The following TSHZ2 variants were observed in gnomAD, a reference collection of about 807,000 sequenced individuals.
TSHZ2 encodes teashirt homolog 2.
Under a neutral mutation model 74.4 loss-of-function variants are expected in TSHZ2, and 21 were observed. The ratio of observed to expected loss-of-function variants is 0.28; its 90% confidence interval spans 0.20 to 0.41. TSHZ2 has a LOEUF of 0.41. TSHZ2 is among the 10% of genes least tolerant of loss of function. The pLI is 1.00. For synonymous variants in TSHZ2, 540 were observed against 515.3 expected, an observed-to-expected ratio of 1.05 and a Z score of -0.65; for missense variants, 1,244 against 1,293.5, an observed-to-expected ratio of 0.96 and a Z score of 0.59.
At chr20:53,207,531 A>G (rs2123599626) in intron 1 of TSHZ2, among the ~76,000 whole-genome samples, 1 of 152,226 alleles carries the variant, frequency 6.6e-6, no homozygotes, top group South Asian at 2.1e-4. Context: ...ACTTGTAGGG[A>G]CATGGCTGCA....
rs532227402 is a variant in TSHZ2 at position 53,129,966 on chromosome 20, C to G, written c.41-123533C>G. On this transcript the variant is annotated intron_variant, in intron 1 of 2. Coordinates refer to ENST00000371497, the MANE Select transcript of TSHZ2 (RefSeq NM_173485.6). Reference sequence around the variant, plus strand: ...CCTGCTTTTATACTCGTTTTCCTCTCGGAATGGTAGCCGGCAAAAGGTGTT... The same window carrying G: ...CCTGCTTTTATACTCGTTTTCCTCTGGGAATGGTAGCCGGCAAAAGGTGTT... Among the ~76,000 whole-genome samples the G allele has an allele frequency of 3.8e-4, 58 of 151,810 alleles. 1 individual carries two copies. The highest frequency in any genetic ancestry group is 3.4e-3 in the Admixed American group (52 of 15,220).
chr20:53,136,131 C>T lies in TSHZ2; in HGVS notation c.41-117368C>T, dbSNP rs550768184. On this transcript the variant is annotated intron_variant, in intron 1 of 2. Transcript: ENST00000371497. ...CAAGGTAGCATAGGGCATCACACTG[C>T]GAGAATGCTGAGTGTGTTAAGGTGC... 9.2e-5 allele frequency among the ~76,000 whole-genome samples: 14 copies of T among 152,260 alleles called. No individual in the cohort carries two copies. In the East Asian group the frequency reaches 1.5e-3, roughly 17 times the overall value.
At chr20:53,153,388 C>T (rs1987720737) in intron 1 of TSHZ2, among the ~76,000 whole-genome samples, 1 of 152,136 alleles carries the variant, frequency 6.6e-6, no homozygotes, top group Non-Finnish European at 1.5e-5. Flanking sequence ...CTGTCCCTCT[C>T]CTGCTTGGTC....
intron 1 of TSHZ2, among the ~76,000 whole-genome samples, chr20:53,125,291 C>T (rs1356245778): frequency 1.3e-5 from 2 of 152,170 alleles, no homozygotes; most frequent in African/African-American, 4.8e-5. Flanking sequence ...AACAGCAAGT[C>T]CTCCCTGGGC....
intron 1 of TSHZ2, among the ~76,000 whole-genome samples, chr20:53,010,571 A>G (rs1429864920): frequency 3.3e-5 from 5 of 152,142 alleles, no homozygotes; most frequent in Admixed American, 3.3e-4. Flanking sequence ...TTGGCCAACT[A>G]GATTGGAAAC....
chr20:53,176,910 C>T (rs1241964238), intron 1 of TSHZ2, among the ~76,000 whole-genome samples: 1 of 152,140 alleles, frequency 6.6e-6, no homozygotes. Flanking sequence ...AGGTCTCGAA[C>T]TCTTGACCTT....
intron 2 of TSHZ2, among the ~76,000 whole-genome samples, chr20:53,468,645 T>C (rs1174272479): frequency 1.7e-5 from 2 of 115,722 alleles, no homozygotes; most frequent in Non-Finnish European, 1.6e-5. Flanking sequence ...GTTGATTATA[T>C]AAGGTAGAGG....
intron 2 of TSHZ2, among the ~76,000 whole-genome samples, chr20:53,474,080 T>C (rs1985915905): frequency 6.7e-6 from 1 of 150,298 alleles, no homozygotes; most frequent in African/African-American, 2.5e-5. Flanking sequence ...TGGAAAACAC[T>C]CTGCAGGATA....
At chr20:53,066,378 C>G (rs560613392) in intron 1 of TSHZ2, among the ~76,000 whole-genome samples, 2 of 152,120 alleles carry the variant, frequency 1.3e-5, no homozygotes, top group South Asian at 4.1e-4. Context: ...CCCCACCCCC[C>G]ACAATTTTCA....
At position 53,212,758 on chromosome 20, in the gene TSHZ2, CA is replaced by C. The variant is rs35020195; in HGVS notation, c.41-40740del. Reference sequence around the variant, plus strand: ...CTCTCCGCATGGAGGTGTGGTCCCCCAGATTGAGAACCAGCAGGAAAGGAAG... The same window carrying C: ...CTCTCCGCATGGAGGTGTGGTCCCCCGATTGAGAACCAGCAGGAAAGGAAG... On this transcript the variant is annotated intron_variant, in intron 1 of 2. Transcript: ENST00000371497. Among the ~76,000 whole-genome samples the C allele has an allele frequency of 1.7e-3, 257 of 152,282 alleles. 4 individuals are homozygous for C. The highest frequency in any genetic ancestry group is 6.0e-3 in the African/African-American group (250 of 41,552).
intron 1 of TSHZ2, among the ~76,000 whole-genome samples, chr20:53,099,065 C>T (rs1194229175): frequency 6.6e-6 from 1 of 152,260 alleles, no homozygotes; most frequent in South Asian, 2.1e-4. Flanking sequence ...TAATTCTAGT[C>T]TCCATAGTGA....
intron 1 of TSHZ2, among the ~76,000 whole-genome samples, chr20:53,087,750 G>T (rs1387187567): frequency 1.3e-5 from 2 of 152,208 alleles, no homozygotes; most frequent in African/African-American, 4.8e-5. Context: ...TCGGCCATTG[G>T]CAGGGACTTA....
At chr20:53,427,929 G>A (rs1292924377) in intron 2 of TSHZ2, among the ~76,000 whole-genome samples, 1 of 152,194 alleles carries the variant, frequency 6.6e-6, no homozygotes, top group Non-Finnish European at 1.5e-5. Flanking sequence ...CTAACATGGA[G>A]GGGGACATGG....
chr20:53,172,118 A>G (rs2123487179), intron 1 of TSHZ2, among the ~76,000 whole-genome samples: 1 of 152,356 alleles, frequency 6.6e-6, no homozygotes, highest in African/African-American at 2.4e-5. Flanking sequence ...CAAGAGGGTC[A>G]TTTTAGATAT....
intron 2 of TSHZ2, among the ~76,000 whole-genome samples, chr20:53,263,894 G>C (rs1990655542): frequency 6.6e-6 from 1 of 152,208 alleles, no homozygotes; most frequent in South Asian, 2.1e-4. Flanking sequence ...AGGGGGGCAG[G>C]CTGGGCTCCC....
chr20:53,312,650 G>C (rs575369970), intron 2 of TSHZ2, among the ~76,000 whole-genome samples: 15 of 152,310 alleles, frequency 9.8e-5, no homozygotes, highest in African/African-American at 3.4e-4. Flanking sequence ...GCTTACAGCT[G>C]GATTCAGCCA....
chr20:53,243,052 G>A (rs1568830665), intron 1 of TSHZ2, among the ~76,000 whole-genome samples: 1 of 152,142 alleles, frequency 6.6e-6, no homozygotes, highest in Non-Finnish European at 1.5e-5. Context: ...TTGGTTGTTG[G>A]TAATTTCGGA....
chr20:53,253,907 G>A lies in TSHZ2; in HGVS notation c.449G>A (p.Ser150Asn). 6.2e-6 allele frequency: 10 copies of A among 1,614,200 alleles called. No homozygotes were observed. Among genetic ancestry groups the A allele is most frequent in the African/African-American group, 1.3e-5 (1 of 75,046 alleles). ...GLGLGFKLSN[S>N]ERRNCDTRNG... is the part of the protein sequence containing the mutation. Reference sequence around the variant, plus strand: ...GGCCTTGGCTTCAAGCTGTCCAATAGTGAGAGGAGGAACTGTGACACCCGA... The same window carrying A: ...GGCCTTGGCTTCAAGCTGTCCAATAATGAGAGGAGGAACTGTGACACCCGA... The change falls in exon 2 of 3, where the codon AGT (serine) becomes AAT (asparagine). Residue 150 changes from serine to asparagine, a missense_variant. By Grantham distance (46) the Ser-to-Asn change is conservative (BLOSUM62 1). Coordinates refer to ENST00000371497, the MANE Select transcript of TSHZ2 (RefSeq NM_173485.6).
At chr20:53,021,965 G>A (rs1266886197) in intron 1 of TSHZ2, among the ~76,000 whole-genome samples, 1 of 152,074 alleles carries the variant, frequency 6.6e-6, no homozygotes, top group African/African-American at 2.4e-5. Context: ...CTTCCAAAAA[G>A]AATTTGAGGA....
Sources: allele counts gnomAD v4.1 joint callset (sites outside exome capture counted in the v4.1 genomes callset), GRCh38; gene constraint gnomAD v4.1.1; transcripts MANE v1.5; gene names NCBI Gene and HGNC (gene_info 2026-07-23, HGNC 2026-07-21).